TMC1: variants seen among roughly 807,000 people sequenced by gnomAD.
TMC1 encodes the protein transmembrane channel-like protein 1.
A neutral mutation model predicts 105.8 loss-of-function variants in TMC1; 84 were observed. The ratio of observed to expected loss-of-function variants is 0.79; its 90% confidence interval spans 0.67 to 0.95. The LOEUF (loss-of-function observed/expected upper bound fraction) is 0.95. TMC1 is among the 40% of genes least tolerant of loss of function. TMC1 has a pLI of 0.00. For synonymous variants in TMC1, 315 were observed against 311.5 expected (o/e 1.01, Z -0.12); for missense variants, 817 against 914.1 (o/e 0.89, Z 1.37).
At chr9:72,658,236 A>G (rs1188174376) in intron 5 of TMC1, among the ~76,000 whole-genome samples, 2 of 152,328 alleles carry the variant, frequency 1.3e-5, no homozygotes, top group South Asian at 2.1e-4. Context: ...CACAGTAAAA[A>G]AAAATTGGGG....
At chr9:72,568,917 C>T (rs150952317) in intron 1 of TMC1, among the ~76,000 whole-genome samples, 5 of 152,136 alleles carry the variant, frequency 3.3e-5, no homozygotes, top group South Asian at 2.1e-4. Flanking sequence ...TAGTAAGACA[C>T]GGAATTATTA....
In TMC1 at chr9:72,747,077, A is replaced by G. The variant is rs570710264; in HGVS notation, c.535+4552A>G. On this transcript the variant is annotated intron_variant, in intron 10 of 23. Transcript: ENST00000297784. The stretch of plus-strand genomic sequence containing the variant: ...ATTACAAATTTTTCTCAGGATCAAA[A>G]TCTACTTTTTCCTAATAGTAGATTG... Among the ~76,000 whole-genome samples the G allele has an allele frequency of 8.5e-5, 13 of 152,326 alleles. No individual in the cohort carries two copies. The East Asian group carries it at 2.3e-3, about 27-fold the overall frequency.
intron 2 of TMC1, chr9:72,607,708 A>T (rs1824948392): frequency 6.6e-6 from 1 of 151,416 alleles, no homozygotes; most frequent in East Asian, 1.9e-4. Context: ...GCACTTTGGG[A>T]GGCTGAGGTG....
chr9:72,726,380 C>T (rs1827126362), intron 8 of TMC1, among the ~76,000 whole-genome samples: 1 of 152,162 alleles, frequency 6.6e-6, no homozygotes, highest in South Asian at 2.1e-4. Context: ...ACATTTTATG[C>T]ATACACTCTT....
intron 3 of TMC1, among the ~76,000 whole-genome samples, chr9:72,624,301 A>G (rs1180967387): frequency 6.6e-6 from 1 of 152,126 alleles, no homozygotes; most frequent in Non-Finnish European, 1.5e-5. Flanking sequence ...GGCAGGATGG[A>G]TCATCCTGAG....
chr9:72,754,700 G>T (rs1018543773), intron 11 of TMC1, 86 bp from the exon 12 acceptor site: 1 of 1,047,098 alleles, frequency 9.6e-7, no homozygotes, highest in Non-Finnish European at 1.5e-6. Context: ...TTTCAGAAGG[G>T]CTTTTAAACA....
At chr9:72,818,853 G>A (rs1828829122) in intron 19 of TMC1, 1 of 152,068 alleles carries the variant, frequency 6.6e-6, no homozygotes, top group Non-Finnish European at 1.5e-5. Context: ...TCTAGCTTAT[G>A]GCTCTTGAGT....
intron 5 of TMC1, among the ~76,000 whole-genome samples, chr9:72,685,353 G>A (rs983284029): frequency 3.7e-5 from 5 of 134,520 alleles, no homozygotes; most frequent in African/African-American, 6.0e-5. Flanking sequence ...TGATCCACCC[G>A]CCTTGGCCAT....
intron 18 of TMC1, among the ~76,000 whole-genome samples, chr9:72,812,968 G>A (rs1222164373): frequency 2.0e-5 from 3 of 152,128 alleles, no homozygotes; most frequent in Non-Finnish European, 4.4e-5. Flanking sequence ...CACAAGCAAA[G>A]GTCCAAAAAT....
chr9:72,570,427 AC>A (rs886293935), intron 1 of TMC1, among the ~76,000 whole-genome samples: 46 of 152,124 alleles, frequency 3.0e-4, no homozygotes, highest in African/African-American at 1.1e-3. Flanking sequence ...ACTCTGAAAT[AC>A]CTTTTCCAGA....
rs1828274422 is a variant in TMC1 at position 72,791,909 on chromosome 9, A to G, written c.1248A>G (p.Leu416=). 6.2e-7 allele frequency: 1 copy of G among 1,612,818 alleles called. No individual in the cohort carries two copies. The highest frequency in any genetic ancestry group is 8.5e-7 in the Non-Finnish European group (1 of 1,179,856). The change falls in exon 16 of 24, where the codon CTA becomes CTG. Residue 416 remains leucine, a synonymous_variant. Coordinates refer to ENST00000297784, the MANE Select transcript of TMC1 (RefSeq NM_138691.3). The part of the protein sequence containing the change: ...KNEMNMVMSL[L]GMFCPTLFDL... ...AGATGAACATGGTTATGTCCCTCCT[A>G]GGGATGTTCTGTCCAACATTGTTTG...
intron 3 of TMC1, among the ~76,000 whole-genome samples, chr9:72,621,642 A>G (rs1825251301): frequency 6.6e-6 from 1 of 152,222 alleles, no homozygotes; most frequent in South Asian, 2.1e-4. Flanking sequence ...GCAAATGAGT[A>G]GAGAACAAAA....
At chr9:72,530,025 A>G (rs145282405) in intron 1 of TMC1, among the ~76,000 whole-genome samples, 32 of 152,304 alleles carry the variant, frequency 2.1e-4, no homozygotes, top group African/African-American at 7.7e-4. Flanking sequence ...AAAACCCAGA[A>G]TTTCTACATG....
intron 8 of TMC1, among the ~76,000 whole-genome samples, chr9:72,704,250 T>A (rs1826695816): frequency 6.6e-6 from 1 of 152,202 alleles, no homozygotes; most frequent in African/African-American, 2.4e-5. Context: ...TCAGTGTAAC[T>A]GAAAGAGATG....
chr9:72,803,141 G>A (rs978601989), intron 17 of TMC1, among the ~76,000 whole-genome samples: 2 of 152,002 alleles, frequency 1.3e-5, no homozygotes, highest in Non-Finnish European at 2.9e-5. Context: ...GAAAGGATTC[G>A]CTATTTAATA....
chr9:72,789,409 C>T (rs1402029967), intron 15 of TMC1, 92 bp downstream of exon 15: 2 of 1,246,010 alleles, frequency 1.6e-6, no homozygotes, highest in African/African-American at 1.5e-5. Flanking sequence ...AAAAAGGCCA[C>T]CCTTTACCTA....
chr9:72,637,524 C>T (rs748846026), intron 4 of TMC1, among the ~76,000 whole-genome samples: 9 of 152,058 alleles, frequency 5.9e-5, no homozygotes, highest in Non-Finnish European at 1.2e-4. Flanking sequence ...AATCTCTCTG[C>T]AGTTAGTTAT....
At chr9:72,708,818 CT>C (rs1420351222) in intron 8 of TMC1, among the ~76,000 whole-genome samples, 1 of 152,070 alleles carries the variant, frequency 6.6e-6, no homozygotes, top group African/African-American at 2.4e-5. Flanking sequence ...AGTGGGCATC[CT>C]CGTCTTGTTC....
At chr9:72,791,495 A>G (rs1038778881) in intron 15 of TMC1, among the ~76,000 whole-genome samples, 4 of 152,218 alleles carry the variant, frequency 2.6e-5, no homozygotes, top group African/African-American at 9.6e-5. Context: ...TAGAATTTTC[A>G]GTTTGAACCT....
Sources: allele counts gnomAD v4.1 joint callset (sites outside exome capture counted in the v4.1 genomes callset), GRCh38; gene constraint gnomAD v4.1.1; transcripts MANE v1.5; gene names NCBI Gene and HGNC (gene_info 2026-07-23, HGNC 2026-07-21).